CROT: variants seen among roughly 807,000 people sequenced by gnomAD.
CROT encodes peroxisomal carnitine O-octanoyltransferase.
CROT carries 84 observed loss-of-function variants against 89.2 expected under a neutral mutation model. That is an observed-to-expected ratio of 0.94 (90% CI 0.79 to 1.13). CROT has a LOEUF of 1.13. Among genes scored for constraint, CROT ranks in the 50% most tolerant of loss-of-function variants. The pLI is 0.00. For synonymous variants in CROT, 212 were observed against 239.5 expected (o/e 0.89, Z 1.06); for missense variants, 711 against 727.8 (o/e 0.98, Z 0.27).
intron 4 of CROT, chr7:87,360,227 C>A: frequency 2.4e-6 from 1 of 411,346 alleles, no homozygotes; most frequent in Non-Finnish European, 3.3e-6. Flanking sequence ...ATAAGATGTG[C>A]TTACTTATGC....
intron 13 of CROT, among the ~76,000 whole-genome samples, chr7:87,385,560 A>C (rs1490977064): frequency 6.6e-6 from 1 of 152,084 alleles, no homozygotes; most frequent in South Asian, 2.1e-4. Flanking sequence ...AACTTTACTG[A>C]ATTTGTTTAT....
chr7:87,398,550 A>T lies in CROT; in HGVS notation c.1745A>T (p.Lys582Ile). ...DRFVVACSAW[K>I]SCPETDAEKL... ...TTTGTTGTGGCCTGTTCAGCCTGGA[A>T]ATCCTGTCCCGAGACTGATGCGGAA... Residue 582 changes from lysine (K) to isoleucine (I), a missense_variant, in exon 18 of 18, where the codon AAA (lysine) becomes ATA (isoleucine). Physicochemically the swap from Lys to Ile is moderately radical, Grantham distance 102 (BLOSUM62 -3). Coordinates refer to ENST00000331536, the MANE Select transcript of CROT (RefSeq NM_021151.4). 6.2e-7 allele frequency: 1 copy of T among 1,613,836 alleles called. No individual in the cohort carries two copies. Among genetic ancestry groups the T allele is most frequent in the Non-Finnish European group, 8.5e-7 (1 of 1,179,892 alleles).
intron 6 of CROT, among the ~76,000 whole-genome samples, chr7:87,367,782 T>C (rs140592323): frequency 6.6e-6 from 1 of 152,306 alleles, no homozygotes; most frequent in Non-Finnish European, 1.5e-5. Context: ...ATCTTCCATC[T>C]TAAAAGGAAA....
chr7:87,395,036 A>G (rs1271345905), intron 17 of CROT, among the ~76,000 whole-genome samples: 1 of 152,158 alleles, frequency 6.6e-6, no homozygotes, highest in Non-Finnish European at 1.5e-5. Flanking sequence ...AGAGAAGTGT[A>G]TTAGTCAGGG....
At chr7:87,377,917 T>C (rs1315380606) in intron 10 of CROT, among the ~76,000 whole-genome samples, 1 of 152,198 alleles carries the variant, frequency 6.6e-6, no homozygotes, top group Non-Finnish European at 1.5e-5. Flanking sequence ...TACTACCATT[T>C]TGACCATTTT....
intron 4 of CROT, 176 bp downstream of exon 4, chr7:87,359,506 G>A (rs1433216938): frequency 9.6e-6 from 13 of 1,357,032 alleles, no homozygotes; most frequent in African/African-American, 1.5e-5. Flanking sequence ...GGTGGATTCG[G>A]GAACTTGTTA....
intron 13 of CROT, among the ~76,000 whole-genome samples, chr7:87,388,753 A>G (rs1331650684): frequency 6.6e-6 from 1 of 152,226 alleles, no homozygotes; most frequent in African/African-American, 2.4e-5. Flanking sequence ...AATCAATGGC[A>G]ACAAAAGCCA....
At chr7:87,379,763 A>C (rs1161103961) in intron 10 of CROT, among the ~76,000 whole-genome samples, 1 of 152,220 alleles carries the variant, frequency 6.6e-6, no homozygotes, top group African/African-American at 2.4e-5. Context: ...TTCCCTTCTA[A>C]CCTAAGATGA....
chr7:87,360,900 C>T (rs1273933636), intron 4 of CROT, among the ~76,000 whole-genome samples: 4 of 152,096 alleles, frequency 2.6e-5, no homozygotes, highest in Non-Finnish European at 5.9e-5. Flanking sequence ...CCTATAGCTC[C>T]CCGCTGAAAA....
intron 5 of CROT, 67 bp downstream of exon 5, chr7:87,361,638 T>C: frequency 2.6e-6 from 4 of 1,529,106 alleles, no homozygotes; most frequent in Non-Finnish European, 3.5e-6. Context: ...GTTGAGAAGC[T>C]TAATTTACTT....
At chr7:87,398,103 C>T (rs1584656801) in intron 17 of CROT, among the ~76,000 whole-genome samples, 1 of 145,068 alleles carries the variant, frequency 6.9e-6, no homozygotes. Context: ...CCTTCTCTGC[C>T]TTTTTTTTTT....
chr7:87,382,068 T>G lies in CROT; in HGVS notation c.1063-6T>G. ...TAAAATATTTTTAAGTCTTCCCTATTTTCAGGGTTCAGAGAAGGTACGAGA... is the reference window on the plus strand; with the variant it reads ...TAAAATATTTTTAAGTCTTCCCTATGTTCAGGGTTCAGAGAAGGTACGAGA... On this transcript the variant is annotated splice_region_variant and splice_polypyrimidine_tract_variant and intron_variant, in intron 11 of 17. Coordinates refer to ENST00000331536, the MANE Select transcript of CROT (RefSeq NM_021151.4). The G allele has an allele frequency of 6.2e-7, 1 of 1,601,912 alleles. No homozygotes were observed. The highest frequency in any genetic ancestry group is 8.5e-7 in the Non-Finnish European group (1 of 1,171,682).
rs547303240 is a variant in CROT, at chr7:87,356,717, A to C, written c.116-2489A>C. 3.9e-5 allele frequency among the ~76,000 whole-genome samples: 6 copies of C among 152,288 alleles called. 1 individual carries two copies. The South Asian group carries it at 8.3e-4, about 21-fold the overall frequency. ...GGGTGTAAAAGCATCTGAGTCCTGC[A>C]ATGTTTAAGATATAGCAAGAACAGG... is the stretch of plus-strand genomic sequence containing the variant. On this transcript the variant is annotated intron_variant, in intron 3 of 17. Transcript: ENST00000331536.
intron 10 of CROT, among the ~76,000 whole-genome samples, chr7:87,377,768 T>C (rs182931533): frequency 6.6e-5 from 10 of 152,342 alleles, no homozygotes; most frequent in African/African-American, 2.2e-4. Flanking sequence ...TATGGCATTA[T>C]GTATGTGTTC....
In CROT at chr7:87,386,579, A is replaced by T. The variant is rs542189575; in HGVS notation, c.1301+4036A>T. 9.2e-5 allele frequency among the ~76,000 whole-genome samples: 14 copies of T among 152,114 alleles called. No homozygotes were observed. The South Asian group carries it at 2.9e-3, about 32-fold the overall frequency. ...TTATTCTACCTACAGATTTGTCAAT[A>T]TTGTTTATCTTGTCAAAAAATTGAC... On this transcript the variant is annotated intron_variant, in intron 13 of 17. Coordinates refer to ENST00000331536, the MANE Select transcript of CROT (RefSeq NM_021151.4).
At chr7:87,365,075 G>A (rs1380753452) in intron 6 of CROT, among the ~76,000 whole-genome samples, 1 of 152,192 alleles carries the variant, frequency 6.6e-6, no homozygotes, top group Non-Finnish European at 1.5e-5. Flanking sequence ...ATGACATGCT[G>A]TGTTTTTTTC....
At chr7:87,364,849 T>C (rs1020995297) in intron 6 of CROT, among the ~76,000 whole-genome samples, 1 of 152,100 alleles carries the variant, frequency 6.6e-6, no homozygotes, top group Non-Finnish European at 1.5e-5. Flanking sequence ...GCCAGTTTTG[T>C]TGTAGGAAGA....
At chr7:87,359,533 G>C (rs1806208943) in intron 4 of CROT, 2 of 1,317,554 alleles carry the variant, frequency 1.5e-6, no homozygotes, top group Admixed American at 3.7e-5. Context: ...AGATTTGCTG[G>C]GATAAGTGAT....
intron 4 of CROT, chr7:87,360,163 T>C: frequency 1.2e-6 from 1 of 828,896 alleles, no homozygotes. Context: ...CTTTCTGAAT[T>C]ACTAATTATA....
Sources: allele counts gnomAD v4.1 joint callset (sites outside exome capture counted in the v4.1 genomes callset), GRCh38; gene constraint gnomAD v4.1.1; transcripts MANE v1.5; gene names NCBI Gene and HGNC (gene_info 2026-07-23, HGNC 2026-07-21).